Variants in DACH2 observed in about 807,000 individuals in gnomAD.
The protein encoded by DACH2 is dachshund homolog 2.
Under a neutral mutation model 35.8 loss-of-function variants are expected in DACH2, and 17 were observed. That is an observed-to-expected ratio of 0.48 (90% CI 0.33 to 0.71). The LOEUF (loss-of-function observed/expected upper bound fraction) is 0.71. DACH2 is among the 30% of genes least tolerant of loss of function. The pLI is 0.02. For synonymous variants in DACH2, 195 were observed against 177.3 expected, an observed-to-expected ratio of 1.10 and a Z score of -0.79; for missense variants, 469 against 472.7, an observed-to-expected ratio of 0.99 and a Z score of 0.07.
At chrX:86,635,039 C>T (rs1396140585) in intron 3 of DACH2, among the ~76,000 whole-genome samples, 2 of 109,748 alleles carry the variant, frequency 1.8e-5, no homozygotes, top group African/African-American at 6.6e-5. Flanking sequence ...TATCCTGATG[C>T]CAAAACCTGG....
chrX:86,785,728 A>T lies in DACH2; in HGVS notation c.1241-27128A>T, dbSNP rs184241206. Among the ~76,000 whole-genome samples, 6 of 111,749 alleles carry T rather than the reference A, an allele frequency of 5.4e-5. No homozygotes were observed. In the East Asian group the frequency reaches 8.5e-4, roughly 16 times the overall value. On this transcript the variant is annotated intron_variant, in intron 7 of 11. Transcript: ENST00000373125. The stretch of plus-strand genomic sequence containing the variant: ...TGTGAAAACCTTAGGAGCATAATTC[A>T]TCAAGTCAACAAGACCACAGGTATA...
At chrX:86,287,333 G>A (rs1366310104) in intron 1 of DACH2, among the ~76,000 whole-genome samples, 1 of 111,169 alleles carries the variant, frequency 9.0e-6, no homozygotes, top group South Asian at 3.8e-4. Flanking sequence ...TTAGGCCTTT[G>A]GGAGTTTGAT....
At chrX:86,662,814 T>G (rs1033544734) in intron 4 of DACH2, among the ~76,000 whole-genome samples, 2 of 111,492 alleles carry the variant, frequency 1.8e-5, no homozygotes, top group African/African-American at 6.5e-5. Flanking sequence ...GAATTATGCC[T>G]AAATCTTAAA....
chrX:86,382,721 T>C (rs1274094050), intron 2 of DACH2, among the ~76,000 whole-genome samples: 1 of 110,820 alleles, frequency 9.0e-6, no homozygotes, highest in Non-Finnish European at 1.9e-5. Context: ...GTTTTGACTA[T>C]AGCATTCCTA....
chrX:86,649,206 G>A (rs56203700), intron 3 of DACH2, among the ~76,000 whole-genome samples: 9 of 110,573 alleles, frequency 8.1e-5, no homozygotes, highest in African/African-American at 2.3e-4. Flanking sequence ...ATTTTACAAC[G>A]AATTTTCTTT....
At chrX:86,335,896 A>G (rs1221962868) in intron 1 of DACH2, among the ~76,000 whole-genome samples, 2 of 111,488 alleles carry the variant, frequency 1.8e-5, no homozygotes, top group African/African-American at 6.5e-5. Context: ...TATCATGAAC[A>G]GCTCTTATTA....
At chrX:86,459,840 C>T (rs1480071584) in intron 2 of DACH2, among the ~76,000 whole-genome samples, 2 of 103,876 alleles carry the variant, frequency 1.9e-5, no homozygotes, top group Admixed American at 1.1e-4. Context: ...AAAACAAATG[C>T]CATTAATGGG....
At chrX:86,733,611 G>A (rs2041558800) in intron 6 of DACH2, among the ~76,000 whole-genome samples, 1 of 111,624 alleles carries the variant, frequency 9.0e-6, no homozygotes, top group African/African-American at 3.3e-5. Context: ...ACATTTAAGT[G>A]TCTTACAGTA....
intron 1 of DACH2, among the ~76,000 whole-genome samples, chrX:86,284,193 G>A (rs972534270): frequency 1.8e-5 from 2 of 111,332 alleles, no homozygotes; most frequent in African/African-American, 3.3e-5. Flanking sequence ...TAAAGGAAAG[G>A]CTTTCAGTTT....
At chrX:86,699,444 C>T (rs913574164) in intron 5 of DACH2, among the ~76,000 whole-genome samples, 12 of 111,324 alleles carry the variant, frequency 1.1e-4, no homozygotes, top group Non-Finnish European at 1.5e-4. Flanking sequence ...TCTTACATGG[C>T]GGTGGCAAGA....
intron 2 of DACH2, among the ~76,000 whole-genome samples, chrX:86,468,589 C>A (rs926965201): frequency 9.0e-6 from 1 of 111,720 alleles, no homozygotes; most frequent in Non-Finnish European, 1.9e-5. Flanking sequence ...GATATAAACT[C>A]ACTGAATTTC....
intron 6 of DACH2, among the ~76,000 whole-genome samples, chrX:86,729,970 A>G (rs754238508): frequency 6.8e-4 from 75 of 110,835 alleles, no homozygotes; most frequent in Admixed American, 4.8e-4. Flanking sequence ...TATGAATGCA[A>G]GAACTGCATA....
At chrX:86,193,509 C>A (rs1474035566) in intron 1 of DACH2, among the ~76,000 whole-genome samples, 1 of 111,690 alleles carries the variant, frequency 9.0e-6, no homozygotes, top group Non-Finnish European at 1.9e-5. Flanking sequence ...ATCTCTTAAC[C>A]CTTTATTAAC....
intron 1 of DACH2, among the ~76,000 whole-genome samples, chrX:86,318,630 C>A (rs1438277236): frequency 9.0e-6 from 1 of 110,824 alleles, no homozygotes; most frequent in South Asian, 3.9e-4. Context: ...TAATATTATT[C>A]TCTAAGATAT....
chrX:86,652,435 C>G (rs2040487616), intron 4 of DACH2, among the ~76,000 whole-genome samples: 1 of 112,112 alleles, frequency 8.9e-6, no homozygotes, highest in Non-Finnish European at 1.9e-5. Context: ...CATGGTAGAA[C>G]AATTTATATT....
intron 1 of DACH2, among the ~76,000 whole-genome samples, chrX:86,194,419 A>G (rs189962264): frequency 4.7e-4 from 52 of 111,804 alleles, no homozygotes; most frequent in South Asian, 1.5e-3. Context: ...GAATGAGACA[A>G]CTGGCGCACT....
chrX:86,275,352 A>G (rs1256628449), intron 1 of DACH2, among the ~76,000 whole-genome samples: 2 of 112,004 alleles, frequency 1.8e-5, no homozygotes, highest in African/African-American at 6.5e-5. Context: ...ATTGTTTGAT[A>G]CTAATTTAGA....
chrX:86,741,986 A>T (rs1300351589), intron 7 of DACH2, among the ~76,000 whole-genome samples: 1 of 111,266 alleles, frequency 9.0e-6, no homozygotes, highest in Non-Finnish European at 1.9e-5. Context: ...TATAGAAAAA[A>T]ATATATTTAT....
chrX:86,663,125 C>T (rs1354816835), intron 4 of DACH2, among the ~76,000 whole-genome samples: 1 of 110,803 alleles, frequency 9.0e-6, no homozygotes, highest in Non-Finnish European at 1.9e-5. Flanking sequence ...TTTCAAGAAA[C>T]CGCTATTAAG....
Sources: gnomAD v4.1 joint callset for allele counts (sites outside exome capture counted in the v4.1 genomes callset) on GRCh38, gnomAD v4.1.1 for gene constraint, MANE v1.5 for transcripts, NCBI Gene and HGNC (gene_info 2026-07-23, HGNC 2026-07-21) for gene names.